The following TENM4 variants were observed in gnomAD, a reference collection of about 807,000 sequenced individuals.
The protein encoded by TENM4 is teneurin transmembrane protein 4, also known as teneurin-4.
Under a neutral mutation model 243.3 loss-of-function variants are expected in TENM4, and 82 were observed. That is an observed-to-expected ratio of 0.34 (90% CI 0.28 to 0.40). TENM4 has a LOEUF of 0.40. Ranked by LOEUF, TENM4 falls within the 10% of genes least tolerant of loss-of-function variation. The probability of loss-of-function intolerance (pLI) is 1.00; values close to 1 mark genes in which losing one functional copy is unlikely to be tolerated. For missense variants in TENM4, 3,138 were observed against 3,673.3 expected (o/e 0.85, Z 3.77); for synonymous variants, 1,412 against 1,456.3 (o/e 0.97, Z 0.69).
intron 6 of TENM4, among the ~76,000 whole-genome samples, chr11:78,916,093 A>C (rs1284222875): frequency 6.6e-6 from 1 of 152,192 alleles, no homozygotes; most frequent in African/African-American, 2.4e-5. Context: ...CCTCATTCAA[A>C]CAGCACAGTG....
chr11:78,754,713 C>T (rs971126164), intron 19 of TENM4, among the ~76,000 whole-genome samples: 4 of 152,194 alleles, frequency 2.6e-5, no homozygotes, highest in Non-Finnish European at 5.9e-5. Flanking sequence ...ACAGAAGCAG[C>T]ATTTCTGGCC....
chr11:78,881,408 A>T (rs1014287553), intron 9 of TENM4, among the ~76,000 whole-genome samples: 1 of 151,928 alleles, frequency 6.6e-6, no homozygotes, highest in Admixed American at 6.6e-5. Context: ...TGAGGTGGAG[A>T]TTTCCGTTCT....
intron 1 of TENM4, among the ~76,000 whole-genome samples, chr11:79,431,621 C>A (rs898239842): frequency 1.3e-5 from 2 of 152,196 alleles, no homozygotes; most frequent in Non-Finnish European, 2.9e-5. Flanking sequence ...CCAACACTGC[C>A]TTAAAAATAA....
At chr11:78,769,708 T>A (rs1856609290) in intron 18 of TENM4, among the ~76,000 whole-genome samples, 1 of 151,734 alleles carries the variant, frequency 6.6e-6, no homozygotes, top group South Asian at 2.1e-4. Context: ...CCCCATAAGC[T>A]CCCTGTTGAC....
At chr11:79,140,540 T>C (rs1862267905) in intron 4 of TENM4, among the ~76,000 whole-genome samples, 1 of 152,070 alleles carries the variant, frequency 6.6e-6, no homozygotes, top group Non-Finnish European at 1.5e-5. Flanking sequence ...GACTGAGCCT[T>C]TAAAATCCCC....
At position 79,414,072 on chromosome 11, in the gene TENM4, G is replaced by C. The variant is rs548693137; in HGVS notation, c.-321+26437C>G. Among the ~76,000 whole-genome samples the C allele has an allele frequency of 2.0e-5, 3 of 151,914 alleles. No homozygotes were observed. The South Asian group carries it at 6.2e-4, about 32-fold the overall frequency. On this transcript the variant is annotated intron_variant, in intron 1 of 33. Coordinates refer to ENST00000278550, the MANE Select transcript of TENM4 (RefSeq NM_001098816.3). The stretch of plus-strand genomic sequence containing the variant: ...ATCTCTATACCTCAAAATTCAACTT[G>C]ACTTTGCTCTCAAAGGGAGACAGAT...
chr11:78,805,282 C>CCCCCCCCCCCCCCCCCCCCCCA lies in TENM4; in HGVS notation c.2179+9_2179+10insTGGGGGGGGGGGGGGGGGGGGG. ...CCCTCTACCCATGCTTCTTCTCCCCCTGCATTTACCGATAGAACAGTCGTG... is the reference window on the plus strand; with the variant it reads ...CCCTCTACCCATGCTTCTTCTCCCCCCCCCCCCCCCCCCCCCCCCCCATGCATTTACCGATAGAACAGTCGTG... On this transcript the variant is annotated intron_variant, in intron 15 of 33. Coordinates refer to ENST00000278550, the MANE Select transcript of TENM4 (RefSeq NM_001098816.3). The CCCCCCCCCCCCCCCCCCCCCCA allele has an allele frequency of 4.0e-6, 4 of 995,560 alleles. No individual in the cohort carries two copies. Among genetic ancestry groups the CCCCCCCCCCCCCCCCCCCCCCA allele is most frequent in the South Asian group, 3.2e-5 (1 of 30,968 alleles). The allele number at this position is 995,560 out of a possible 1,614,324, so 61.7% of individuals were successfully genotyped here.
intron 6 of TENM4, among the ~76,000 whole-genome samples, chr11:78,949,904 G>T (rs532470584): frequency 1.4e-4 from 22 of 152,276 alleles, no homozygotes; most frequent in Middle Eastern, 6.8e-3. Flanking sequence ...TCCTCTCTCT[G>T]TCTCGGTTTC....
intron 6 of TENM4, among the ~76,000 whole-genome samples, chr11:79,031,568 C>A (rs1284308884): frequency 6.6e-6 from 1 of 152,158 alleles, no homozygotes; most frequent in African/African-American, 2.4e-5. Flanking sequence ...CCGATCCAGG[C>A]ATGCAACAGG....
intron 1 of TENM4, among the ~76,000 whole-genome samples, chr11:79,313,205 T>C (rs137936550): frequency 9.2e-4 from 140 of 152,330 alleles, no homozygotes; most frequent in African/African-American, 3.1e-3. Flanking sequence ...TTTCTAGTGT[T>C]TGAGAATGCT....
chr11:78,954,451 C>T (rs116095914), intron 6 of TENM4, among the ~76,000 whole-genome samples: 136 of 152,288 alleles, frequency 8.9e-4, no homozygotes, highest in African/African-American at 3.1e-3. Flanking sequence ...TGCAGAATAG[C>T]TTCTATTTTC....
intron 28 of TENM4, among the ~76,000 whole-genome samples, chr11:78,698,177 G>A (rs529823956): frequency 1.4e-4 from 21 of 152,256 alleles, no homozygotes; most frequent in East Asian, 1.2e-3. Flanking sequence ...CTAGGTGGGC[G>A]GATCACTTGA....
intron 7 of TENM4, among the ~76,000 whole-genome samples, chr11:78,893,348 A>C (rs557392730): frequency 6.6e-6 from 1 of 152,328 alleles, no homozygotes; most frequent in African/African-American, 2.4e-5. Context: ...TGGGCAGGTG[A>C]CCCAATCTCT....
At chr11:78,687,430 G>A (rs1344954847) in intron 29 of TENM4, among the ~76,000 whole-genome samples, 1 of 152,164 alleles carries the variant, frequency 6.6e-6, no homozygotes, top group Non-Finnish European at 1.5e-5. Flanking sequence ...CCCTGGTGAT[G>A]GCTTCTTTCT....
chr11:79,381,329 C>CT (rs1857997566), intron 1 of TENM4, among the ~76,000 whole-genome samples: 1 of 120,920 alleles, frequency 8.3e-6, no homozygotes, highest in Non-Finnish European at 1.9e-5. Context: ...CTCAAATGGC[C>CT]TGGAAAAAAA....
At chr11:79,101,211 C>A (rs941232037) in intron 4 of TENM4, among the ~76,000 whole-genome samples, 7 of 152,106 alleles carry the variant, frequency 4.6e-5, no homozygotes, top group African/African-American at 1.7e-4. Flanking sequence ...GTTATAAACA[C>A]TCTCTGTAGA....
intron 1 of TENM4, among the ~76,000 whole-genome samples, chr11:79,325,823 C>A (rs1856966526): frequency 6.6e-6 from 1 of 152,168 alleles, no homozygotes; most frequent in African/African-American, 2.4e-5. Flanking sequence ...CTCCTTAACC[C>A]CAGCAGTAGA....
At position 79,392,479 on chromosome 11, in the gene TENM4, G is replaced by T. The variant is rs374224870; in HGVS notation, c.-321+48030C>A. On this transcript the variant is annotated intron_variant, in intron 1 of 33. Transcript: ENST00000278550. ...GTGAAAGTCCCTTTAGAAAAGGAAA[G>T]TCGCAGGGAGAATATACACCCACAT... Among the ~76,000 whole-genome samples, 10 of 152,338 alleles carry T rather than the reference G, an allele frequency of 6.6e-5. No individual in the cohort carries two copies. The East Asian group carries it at 1.5e-3, about 24-fold the overall frequency.
chr11:79,192,378 A>G lies in TENM4; in HGVS notation c.-163+23430T>C, dbSNP rs988300301. 4.3e-4 allele frequency among the ~76,000 whole-genome samples: 65 copies of G among 152,342 alleles called. 2 individuals carry two copies. The highest frequency in any genetic ancestry group is 9.6e-4 in the East Asian group (5 of 5,190). Reference sequence around the variant, plus strand: ...AATCGGATGGTTGCCGTGTCTGTGTAGAAAGAAGTAGACACGGGAGACTTT... The same window carrying G: ...AATCGGATGGTTGCCGTGTCTGTGTGGAAAGAAGTAGACACGGGAGACTTT... On this transcript the variant is annotated intron_variant, in intron 3 of 33. Transcript: ENST00000278550.
Sources: allele counts gnomAD v4.1 joint callset (sites outside exome capture counted in the v4.1 genomes callset), GRCh38; gene constraint gnomAD v4.1.1; transcripts MANE v1.5; gene names NCBI Gene and HGNC (gene_info 2026-07-23, HGNC 2026-07-21).